Variants in MYO1E observed in about 807,000 individuals in gnomAD.
MYO1E encodes unconventional myosin-Ie.
Under a neutral mutation model 151.1 loss-of-function variants are expected in MYO1E, and 68 were observed. The ratio of observed to expected loss-of-function variants is 0.45; its 90% confidence interval spans 0.37 to 0.55. The LOEUF is 0.55. Among genes scored for constraint, MYO1E ranks in the 20% least tolerant of loss-of-function variants. The pLI is 0.00. For missense variants in MYO1E, 1,363 were observed against 1,389.3 expected, an observed-to-expected ratio of 0.98 and a Z score of 0.30; for synonymous variants, 601 against 501.7, an observed-to-expected ratio of 1.20 and a Z score of -2.64.
intron 26 of MYO1E, among the ~76,000 whole-genome samples, chr15:59,139,356 C>T (rs58014933): frequency 0.017 from 2,319 of 134,098 alleles, 55 homozygotes; most frequent in African/African-American, 0.036. Flanking sequence ...ACTCCTCACA[C>T]TTACCTCCCA....
intron 26 of MYO1E, among the ~76,000 whole-genome samples, chr15:59,147,099 C>A (rs1055174864): frequency 6.6e-6 from 1 of 152,110 alleles, no homozygotes; most frequent in East Asian, 1.9e-4. Context: ...ATACTTGCCC[C>A]GAGACATTTG....
intron 24 of MYO1E, among the ~76,000 whole-genome samples, chr15:59,160,407 C>CT (rs1343796837): frequency 3.0e-5 from 4 of 135,206 alleles, no homozygotes; most frequent in Non-Finnish European, 4.8e-5. Flanking sequence ...TTTTCATCTT[C>CT]TTTTTTTTAA....
chr15:59,162,543 G>A (rs1487393012), intron 23 of MYO1E, among the ~76,000 whole-genome samples: 7 of 151,856 alleles, frequency 4.6e-5, no homozygotes, highest in Non-Finnish European at 1.0e-4. Flanking sequence ...CTACTCAGGA[G>A]GCTGAGGCAG....
At chr15:59,355,510 G>A (rs893074808) in intron 1 of MYO1E, among the ~76,000 whole-genome samples, 1 of 152,168 alleles carries the variant, frequency 6.6e-6, no homozygotes, top group East Asian at 1.9e-4. Context: ...AGCTCAAAAA[G>A]TGCAAATCTG....
intron 1 of MYO1E, among the ~76,000 whole-genome samples, chr15:59,307,587 T>C (rs1452956739): frequency 6.6e-6 from 1 of 150,664 alleles, no homozygotes; most frequent in African/African-American, 2.5e-5. Flanking sequence ...TTGTAAATGA[T>C]TCCAATGAGT....
chr15:59,327,661 G>A (rs180792004), intron 1 of MYO1E, among the ~76,000 whole-genome samples: 336 of 152,136 alleles, frequency 2.2e-3, no homozygotes, highest in Non-Finnish European at 3.3e-3. Flanking sequence ...AGTGCAGGAG[G>A]GTATAGTGGG....
chr15:59,283,077 C>T (rs544222512), intron 1 of MYO1E, among the ~76,000 whole-genome samples: 1 of 149,904 alleles, frequency 6.7e-6, no homozygotes, highest in African/African-American at 2.5e-5. Context: ...TCTGGTTGCC[C>T]TCATCCCAGG....
chr15:59,363,931 C>G (rs2080899140), intron 1 of MYO1E, among the ~76,000 whole-genome samples: 1 of 152,148 alleles, frequency 6.6e-6, no homozygotes, highest in South Asian at 2.1e-4. Flanking sequence ...CCCGCCACCC[C>G]ACCCAGCTAA....
intron 22 of MYO1E, among the ~76,000 whole-genome samples, chr15:59,169,641 C>G (rs1431616829): frequency 2.0e-5 from 3 of 151,598 alleles, no homozygotes; most frequent in African/African-American, 4.9e-5. Context: ...AAGGAAAGAC[C>G]GCAAGAAAGG....
At chr15:59,310,212 A>G (rs1470108374) in intron 1 of MYO1E, among the ~76,000 whole-genome samples, 1 of 152,088 alleles carries the variant, frequency 6.6e-6, no homozygotes, top group Non-Finnish European at 1.5e-5. Context: ...GACCAGCTTG[A>G]GTGTGGCAGC....
chr15:59,273,801 G>A (rs2140383375), intron 1 of MYO1E, among the ~76,000 whole-genome samples: 1 of 152,300 alleles, frequency 6.6e-6, no homozygotes, highest in African/African-American at 2.4e-5. Context: ...GCATTCTACT[G>A]GGAGTGTCGC....
intron 1 of MYO1E, among the ~76,000 whole-genome samples, chr15:59,275,340 A>C (rs2080311963): frequency 6.6e-6 from 1 of 152,080 alleles, no homozygotes; most frequent in African/African-American, 2.4e-5. Flanking sequence ...TTGATTTGAT[A>C]CGTTTTTTAT....
At chr15:59,262,019 T>C (rs759393580) in intron 2 of MYO1E, among the ~76,000 whole-genome samples, 6 of 152,048 alleles carry the variant, frequency 3.9e-5, no homozygotes, top group African/African-American at 7.2e-5. Flanking sequence ...CTGGCCGACA[T>C]GGTGAAACTC....
chr15:59,309,401 G>T (rs2080535989), intron 1 of MYO1E, among the ~76,000 whole-genome samples: 1 of 152,196 alleles, frequency 6.6e-6, no homozygotes, highest in Non-Finnish European at 1.5e-5. Flanking sequence ...TTTCTGACTT[G>T]TCAAAGGATT....
At chr15:59,253,964 C>T (rs893200702) in intron 4 of MYO1E, among the ~76,000 whole-genome samples, 3 of 146,704 alleles carry the variant, frequency 2.0e-5, no homozygotes, top group African/African-American at 5.1e-5. Context: ...TGTTAAAGAC[C>T]GAGACACCTA....
intron 1 of MYO1E, among the ~76,000 whole-genome samples, chr15:59,302,217 T>G (rs747208271): frequency 1.5e-4 from 23 of 152,146 alleles, no homozygotes; most frequent in Non-Finnish European, 2.9e-4. Context: ...GGGATCAGTT[T>G]GTGACTCAAG....
intron 26 of MYO1E, among the ~76,000 whole-genome samples, chr15:59,150,859 G>A (rs1372986545): frequency 1.3e-5 from 2 of 152,122 alleles, no homozygotes; most frequent in African/African-American, 4.8e-5. Context: ...CGGAAAGTGG[G>A]CCAGCAAGCT....
At chr15:59,313,011 C>T (rs1335588897) in intron 1 of MYO1E, among the ~76,000 whole-genome samples, 1 of 152,164 alleles carries the variant, frequency 6.6e-6, no homozygotes, top group Non-Finnish European at 1.5e-5. Flanking sequence ...TTGGGCCCCA[C>T]CCTAAACCTG....
chr15:59,249,805 T>C (rs986579193), intron 4 of MYO1E, among the ~76,000 whole-genome samples: 3 of 152,142 alleles, frequency 2.0e-5, no homozygotes, highest in Non-Finnish European at 2.9e-5. Context: ...CAAACACATT[T>C]TAAAAGGCAC....
Sources: gnomAD v4.1 joint callset for allele counts (sites outside exome capture counted in the v4.1 genomes callset) on GRCh38, gnomAD v4.1.1 for gene constraint, MANE v1.5 for transcripts, NCBI Gene and HGNC (gene_info 2026-07-23, HGNC 2026-07-21) for gene names.